The following SLC46A3 variants were observed in gnomAD, a reference collection of about 807,000 sequenced individuals.
SLC46A3 encodes the protein lysosomal proton-coupled steroid conjugate and bile acid symporter SLC46A3.
SLC46A3 carries 26 observed loss-of-function variants against 38.5 expected under a neutral mutation model. The observed-to-expected ratio is 0.68, with a 90% CI of 0.49 to 0.94. The LOEUF is 0.94. Among genes scored for constraint, SLC46A3 ranks in the 40% least tolerant of loss-of-function variants. The pLI is 0.00. For missense variants in SLC46A3, 510 were observed against 544.3 expected, an observed-to-expected ratio of 0.94 and a Z score of 0.63; for synonymous variants, 185 against 192.5, an observed-to-expected ratio of 0.96 and a Z score of 0.32.
Position 28,717,973 on chromosome 13 carries a change from G to A in SLC46A3, c.26C>T (p.Ala9Val). The change falls in exon 2 of 6, where the codon GCC becomes GTC. Residue 9 changes from alanine (A) to valine (V), a missense_variant. By Grantham distance (64) the Ala-to-Val change is moderately conservative (BLOSUM62 0). Transcript: ENST00000266943. ...CATAGCAAATGCACTAAGGAAAATG[G>A]CAGGTTCTACAAATAAAATCTTCAT... is the stretch of plus-strand genomic sequence containing the variant. MKILFVEP[A>V]IFLSAFAMTL... The A allele has an allele frequency of 6.2e-7, 1 of 1,612,956 alleles. No individual in the cohort carries two copies. The highest frequency in any genetic ancestry group is 8.5e-7 in the Non-Finnish European group (1 of 1,179,700).
chr13:28,715,869 C>T (rs923704157), intron 2 of SLC46A3, among the ~76,000 whole-genome samples: 1 of 151,172 alleles, frequency 6.6e-6, no homozygotes, highest in African/African-American at 2.4e-5. Flanking sequence ...AGACCGGGCA[C>T]GGTGGCTCAC....
intron 5 of SLC46A3, among the ~76,000 whole-genome samples, chr13:28,702,880 G>A (rs1439622854): frequency 6.6e-6 from 1 of 152,176 alleles, no homozygotes; most frequent in Admixed American, 6.5e-5. Context: ...TTAGGAGAAA[G>A]CAGAGAAGGC....
rs78388614 is a variant in SLC46A3 at position 28,701,798 on chromosome 13, G to A, written c.1302-217C>T. ...TTTTTTTTCTCTTCTAGACCCCTAA[G>A]GTATCCCATCTGTCCCATGGTTAAC... On this transcript the variant is annotated intron_variant, in intron 5 of 5. Coordinates refer to ENST00000266943, the MANE Select transcript of SLC46A3 (RefSeq NM_181785.4). 8.1e-3 allele frequency among the ~76,000 whole-genome samples: 1,230 copies of A among 152,070 alleles called. 16 individuals carry two copies. The highest frequency in any genetic ancestry group is 0.028 in the African/African-American group (1,178 of 41,496).
At chr13:28,701,627 C>T (rs1566117868) in intron 5 of SLC46A3, 46 bp from the exon 6 acceptor site, 1 of 1,553,540 alleles carries the variant, frequency 6.4e-7, no homozygotes, top group South Asian at 1.2e-5. Flanking sequence ...TAAGACAATA[C>T]ATAAATAAGT....
intron 4 of SLC46A3, among the ~76,000 whole-genome samples, chr13:28,707,940 C>G (rs1885223208): frequency 6.6e-6 from 1 of 152,176 alleles, no homozygotes; most frequent in Non-Finnish European, 1.5e-5. Context: ...CAATATGTGG[C>G]CTTTTGTGAC....
intron 2 of SLC46A3, among the ~76,000 whole-genome samples, chr13:28,715,978 CAAAAAAAA>C (rs10594317): frequency 4.0e-4 from 51 of 128,738 alleles, no homozygotes; most frequent in African/African-American, 1.5e-3. Flanking sequence ...CCTGTCTCTA[CAAAAAAAA>C]AAAAAAAAAA....
At chr13:28,712,566 C>T in intron 3 of SLC46A3, 114 bp downstream of exon 3, 1 of 1,092,228 alleles carries the variant, frequency 9.2e-7, no homozygotes, top group Non-Finnish European at 1.2e-6. Context: ...TTTAATTGAA[C>T]TAGAATGGCT....
chr13:28,712,422 A>T (rs561088774), intron 3 of SLC46A3, among the ~76,000 whole-genome samples: 2 of 152,348 alleles, frequency 1.3e-5, no homozygotes, highest in East Asian at 3.9e-4. Flanking sequence ...GAACTGATTC[A>T]TAAGAAGAAT....
At position 28,717,841 on chromosome 13, in the gene SLC46A3, T is replaced by C. The variant is rs148831701; in HGVS notation, c.158A>G (p.Asn53Ser). ...GAATGCAAAAATTGGGCTGCTTTTG[T>C]TTTTTTCACACTCAGAAATATTGCT... is the stretch of plus-strand genomic sequence containing the variant. The part of the protein sequence containing the change: ...SDSNISECEK[N>S]KSSPIFAFQE... The change falls in exon 2 of 6, where the codon AAC becomes AGC. Residue 53 changes from asparagine to serine, a missense_variant. Physicochemically the swap from Asn to Ser is conservative, Grantham distance 46. Transcript: ENST00000266943. 8.7e-6 allele frequency: 14 copies of C among 1,612,886 alleles called. No individual in the cohort carries two copies. The African/African-American group carries it at 9.4e-5, about 11-fold the overall frequency.
At chr13:28,701,780 T>C (rs535439172) in intron 5 of SLC46A3, among the ~76,000 whole-genome samples, 199 bp from the exon 6 acceptor site, 51 of 152,324 alleles carry the variant, frequency 3.3e-4, no homozygotes, top group African/African-American at 1.2e-3. Context: ...TGATTTTTTT[T>C]CTCTTCTAGA....
At position 28,712,728 on chromosome 13, in the gene SLC46A3, C is replaced by T; in HGVS notation, c.1012G>A (p.Gly338Arg). 6.2e-7 allele frequency: 1 copy of T among 1,608,940 alleles called. No homozygotes were observed. Among genetic ancestry groups the T allele is most frequent in the African/African-American group, 1.3e-5 (1 of 74,504 alleles). Residue 338 changes from glycine (G) to arginine (R), a missense_variant, in exon 3 of 6, where the codon GGA becomes AGA. Physicochemically the swap from Gly to Arg is moderately radical, Grantham distance 125. Coordinates refer to ENST00000266943, the MANE Select transcript of SLC46A3 (RefSeq NM_181785.4). ...AFIGIFTTMT[G>R]MAMTAFASTT... ...CTGGCAAACGCGGTCATAGCCATTCCTGTCATCGTGGTAAAAATCCCAATG... is the reference window on the plus strand; with the variant it reads ...CTGGCAAACGCGGTCATAGCCATTCTTGTCATCGTGGTAAAAATCCCAATG...
chr13:28,714,602 A>T (rs1468283394), intron 2 of SLC46A3, among the ~76,000 whole-genome samples: 1 of 152,176 alleles, frequency 6.6e-6, no homozygotes, highest in African/African-American at 2.4e-5. Flanking sequence ...TACAAAAATT[A>T]GCCAGGCGTG....
Position 28,707,260 on chromosome 13 carries a change from T to G in SLC46A3, c.1145-3161A>C, listed in dbSNP as rs563668931. Among the ~76,000 whole-genome samples, 3 of 151,928 alleles carry G rather than the reference T, an allele frequency of 2.0e-5. No individual in the cohort carries two copies. In the South Asian group the frequency reaches 6.3e-4, roughly 32 times the overall value. ...TTCATGTCCTTCGTAGGGACATGGA[T>G]GAAGCTGGAAACCATCATTCTCAGC... On this transcript the variant is annotated intron_variant, in intron 4 of 5. Coordinates refer to ENST00000266943, the MANE Select transcript of SLC46A3 (RefSeq NM_181785.4).
At chr13:28,712,567 T>C in intron 3 of SLC46A3, 113 bp downstream of exon 3, 4 of 1,101,148 alleles carry the variant, frequency 3.6e-6, no homozygotes, top group Non-Finnish European at 4.8e-6. Context: ...TTAATTGAAC[T>C]AGAATGGCTT....
At position 28,717,727 on chromosome 13, in the gene SLC46A3, T is replaced by A. The variant is rs144596591; in HGVS notation, c.189+83A>T. 1,023 of 1,362,426 alleles carry A rather than the reference T, an allele frequency of 7.5e-4. 9 individuals are homozygous for A. In the African/African-American group the frequency reaches 0.014, roughly 18 times the overall value. The allele number at this position is 1,362,426 out of a possible 1,614,324, so 84.4% of individuals were successfully genotyped here. On this transcript the variant is annotated intron_variant, in intron 2 of 5. Transcript: ENST00000266943. ...TGGCCGCCCTAGAGAGACCAATGGATGATGAGTTCACGGTCCTCTTTAACT... is the reference window on the plus strand; with the variant it reads ...TGGCCGCCCTAGAGAGACCAATGGAAGATGAGTTCACGGTCCTCTTTAACT...
In SLC46A3 at chr13:28,701,516, T is replaced by C; in HGVS notation, c.1367A>G (p.Glu456Gly). 6.2e-7 allele frequency: 1 copy of C among 1,613,348 alleles called. No homozygotes were observed. The highest frequency in any genetic ancestry group is 1.1e-5 in the South Asian group (1 of 91,028). Residue 456 changes from glutamate (E) to glycine (G), a missense_variant, in exon 6 of 6, where the codon GAA becomes GGA. By Grantham distance (98) the Glu-to-Gly change is moderately conservative. Transcript: ENST00000266943. ...YELLIQEESS[E>G]DASDR The stretch of plus-strand genomic sequence containing the variant: ...TCACAGTCACCTGTCTGAAGCATCT[T>C]CACTGGATTCTTCTTGTATAAGAAG...
intron 4 of SLC46A3, among the ~76,000 whole-genome samples, chr13:28,708,614 CTTTTTTTT>C (rs71190788): frequency 7.8e-6 from 1 of 128,264 alleles, no homozygotes. Flanking sequence ...TTTTTCTTTT[CTTTTTTTT>C]TTTTTTTTTT....
chr13:28,712,931 TAA>T lies in SLC46A3; in HGVS notation c.807_808del (p.Tyr270PhefsTer15). The T allele has an allele frequency of 1.2e-6, 2 of 1,610,512 alleles. No homozygotes were observed. The highest frequency in any genetic ancestry group is 1.7e-6 in the Non-Finnish European group (2 of 1,179,182). On this transcript the variant is annotated frameshift_variant, in exon 3 of 6. Coordinates refer to ENST00000266943, the MANE Select transcript of SLC46A3 (RefSeq NM_181785.4). LOFTEE classifies it high-confidence loss of function. ...GGCAATGCCAATTACCACAAAAAAA[TAA>T]GTGATTACTGTAAAAAGTAACAAAC...
In SLC46A3 at chr13:28,713,030, C is replaced by T. The variant is rs746679759; in HGVS notation, c.710G>A (p.Gly237Asp). Reference sequence around the variant, plus strand: ...AGTTCGGTAAAATAGGTTTTTGAAGCCTTCACTACATGACATAGTAACATT... The same window carrying T: ...AGTTCGGTAAAATAGGTTTTTGAAGTCTTCACTACATGACATAGTAACATT... ...SQNVTMSCSE[G>D]FKNLFYRTYM... is the part of the protein sequence containing the mutation. The change falls in exon 3 of 6, where the codon GGC becomes GAC. Residue 237 changes from glycine to aspartate, a missense_variant. Transcript: ENST00000266943. 2.5e-6 allele frequency: 4 copies of T among 1,611,686 alleles called. No homozygotes were observed. Among genetic ancestry groups the T allele is most frequent in the African/African-American group, 1.3e-5 (1 of 74,688 alleles).
Sources: gnomAD v4.1 joint callset for allele counts (sites outside exome capture counted in the v4.1 genomes callset) on GRCh38, gnomAD v4.1.1 for gene constraint, MANE v1.5 for transcripts, NCBI Gene and HGNC (gene_info 2026-07-23, HGNC 2026-07-21) for gene names.